PRDM16: variants seen among roughly 807,000 people sequenced by gnomAD.
The protein encoded by PRDM16 is histone-lysine N-methyltransferase PRDM16.
PRDM16 carries 23 observed loss-of-function variants against 110.6 expected under a neutral mutation model. The observed-to-expected ratio is 0.21, with a 90% CI of 0.15 to 0.29. PRDM16 has a LOEUF of 0.29. PRDM16 is among the 10% of genes least tolerant of loss of function. PRDM16 has a pLI of 1.00. For synonymous variants in PRDM16, 799 were observed against 781.8 expected (o/e 1.02, Z -0.37); for missense variants, 1,615 against 1,794.3 (o/e 0.90, Z 1.81).
In PRDM16 at chr1:3,350,073, C is replaced by T. The variant is rs1642452581; in HGVS notation, c.439-35079C>T. 1.3e-5 allele frequency among the ~76,000 whole-genome samples: 2 copies of T among 152,176 alleles called. No homozygotes were observed. The highest frequency in any genetic ancestry group is 2.9e-5 in the Non-Finnish European group (2 of 68,036). Reference sequence around the variant, plus strand: ...AAGACCTGGGGCCAGGTGCAGTGGCCCAAAATCCCAGCACCTTGGGAGGCC... The same window carrying T: ...AAGACCTGGGGCCAGGTGCAGTGGCTCAAAATCCCAGCACCTTGGGAGGCC... On this transcript the variant is annotated intron_variant, in intron 3 of 16. Coordinates refer to ENST00000270722, the MANE Select transcript of PRDM16 (RefSeq NM_022114.4). The surrounding 1 kb of genome is among the most constrained non-coding windows in gnomAD (Gnocchi z 7.1).
intron 3 of PRDM16, among the ~76,000 whole-genome samples, chr1:3,318,619 C>T (rs1431286101): frequency 6.6e-6 from 1 of 152,116 alleles, no homozygotes; most frequent in Non-Finnish European, 1.5e-5. Flanking sequence ...TATCAATTAT[C>T]TATCTGTCTA....
Position 3,418,621 on chromosome 1 carries a change from G to A in PRDM16, c.2862-46G>A, listed in dbSNP as rs370006735. 31 of 1,325,980 alleles carry A rather than the reference G, an allele frequency of 2.3e-5. No individual in the cohort carries two copies. The African/African-American group carries it at 3.6e-4, about 15-fold the overall frequency. 82.1% of individuals were successfully genotyped at this position (1,325,980 alleles called of 1,614,324 possible). On this transcript the variant is annotated intron_variant, in intron 11 of 16. Coordinates refer to ENST00000270722, the MANE Select transcript of PRDM16 (RefSeq NM_022114.4). ...CCATTTCTGGGAAATGGCCATGTAA[G>A]CCCACCCTAATCCTCCCTCACCCTC...
At chr1:3,146,932 G>A (rs1181341161) in intron 1 of PRDM16, among the ~76,000 whole-genome samples, 5 of 98,428 alleles carry the variant, frequency 5.1e-5, no homozygotes, top group Non-Finnish European at 7.8e-5. Context: ...GTGTGTGCAC[G>A]TGTGTGCTCA....
chr1:3,186,446 C>T lies in PRDM16; in HGVS notation c.359C>T (p.Ala120Val), dbSNP rs770130107. The T allele has an allele frequency of 1.9e-5, 30 of 1,548,038 alleles. No individual in the cohort carries two copies. Among genetic ancestry groups the T allele is most frequent in the South Asian group, 9.9e-5 (8 of 81,048 alleles). The change falls in exon 2 of 17, where the codon GCG (alanine) becomes GTG (valine). Residue 120 changes from alanine to valine, a missense_variant. Coordinates refer to ENST00000270722, the MANE Select transcript of PRDM16 (RefSeq NM_022114.4). ...CCCTGCGTGGTGGTGCCCCGGGCGG[C>T]GGCAAAGGAGACAGACTTCGGATGG... ...LGPCVVVPRA[A>V]AKETDFGWEQ...
At chr1:3,147,598 CA>C (rs1316645574) in intron 1 of PRDM16, among the ~76,000 whole-genome samples, 1 of 152,138 alleles carries the variant, frequency 6.6e-6, no homozygotes, top group Non-Finnish European at 1.5e-5. Context: ...AATGAGACCC[CA>C]AATCTTGACC....
At chr1:3,177,207 G>A (rs936286129) in intron 1 of PRDM16, among the ~76,000 whole-genome samples, 3 of 150,716 alleles carry the variant, frequency 2.0e-5, no homozygotes, top group East Asian at 2.0e-4. Flanking sequence ...CCATCCATTC[G>A]TAAATTCATC....
chr1:3,079,132 C>A (rs1641961844), intron 1 of PRDM16, among the ~76,000 whole-genome samples: 1 of 152,262 alleles, frequency 6.6e-6, no homozygotes, highest in South Asian at 2.1e-4. Context: ...CCACCGCCTC[C>A]CTGGTGGAGC....
chr1:3,234,640 G>A (rs1049580260), intron 2 of PRDM16, among the ~76,000 whole-genome samples: 4 of 152,204 alleles, frequency 2.6e-5, no homozygotes, highest in African/African-American at 4.8e-5. Flanking sequence ...CACCGTGACT[G>A]TGCCAGTCCC....
intron 3 of PRDM16, among the ~76,000 whole-genome samples, chr1:3,299,442 C>T (rs1309978532): frequency 1.9e-5 from 2 of 105,432 alleles, no homozygotes; most frequent in Admixed American, 1.1e-4. Context: ...CGATCCCAGT[C>T]GTGGTGACTC....
intron 1 of PRDM16, among the ~76,000 whole-genome samples, chr1:3,169,449 G>A (rs556124528): frequency 2.0e-4 from 31 of 152,156 alleles, no homozygotes; most frequent in African/African-American, 7.0e-4. Flanking sequence ...GCAGGCCGAG[G>A]GGCTTGTTGG....
chr1:3,218,162 A>T (rs910167238), intron 2 of PRDM16, among the ~76,000 whole-genome samples: 5 of 152,216 alleles, frequency 3.3e-5, no homozygotes, highest in Non-Finnish European at 1.5e-5. Flanking sequence ...CGTGACGGCC[A>T]GAGGAGGTGC....
chr1:3,217,417 G>A (rs1461582655), intron 2 of PRDM16, among the ~76,000 whole-genome samples: 1 of 152,226 alleles, frequency 6.6e-6, no homozygotes, highest in Non-Finnish European at 1.5e-5. Flanking sequence ...GGGATCTCAT[G>A]GGAACAGCCC....
At chr1:3,216,465 G>A (rs1448628239) in intron 2 of PRDM16, among the ~76,000 whole-genome samples, 2 of 152,236 alleles carry the variant, frequency 1.3e-5, no homozygotes, top group Non-Finnish European at 2.9e-5. Flanking sequence ...TATGGCCTGC[G>A]TGGGGAGACA....
At position 3,244,078 on chromosome 1, in the gene PRDM16, G is replaced by T; in HGVS notation, c.388-9G>T. 1 of 1,613,938 alleles carries T rather than the reference G, an allele frequency of 6.2e-7. No homozygotes were observed. Among genetic ancestry groups the T allele is most frequent in the Non-Finnish European group, 8.5e-7 (1 of 1,179,934 alleles). Reference sequence around the variant, plus strand: ...GAAACTAACAACCCCTCTCAAAATTGTTTTGCAGCAAATACTGACGGACGT... The same window carrying T: ...GAAACTAACAACCCCTCTCAAAATTTTTTTGCAGCAAATACTGACGGACGT... On this transcript the variant is annotated splice_polypyrimidine_tract_variant and intron_variant, in intron 2 of 16. Coordinates refer to ENST00000270722, the MANE Select transcript of PRDM16 (RefSeq NM_022114.4). This position sits in a 1 kb window ranked among gnomAD's most constrained non-coding sequence, Gnocchi z 4.1.
In PRDM16 at chr1:3,290,899, C is replaced by T. The variant is rs533829732; in HGVS notation, c.438+46762C>T. 2.0e-5 allele frequency among the ~76,000 whole-genome samples: 3 copies of T among 152,004 alleles called. No homozygotes were observed. The highest frequency in any genetic ancestry group is 7.2e-5 in the African/African-American group (3 of 41,466). On this transcript the variant is annotated intron_variant, in intron 3 of 16. Transcript: ENST00000270722. The surrounding 1 kb of genome is among the most constrained non-coding windows in gnomAD (Gnocchi z 4.8). ...GGTATCTTTCAAAGAGTGATGGTTA[C>T]GGAAATTAGTGGTGCAGAAATCCAT...
intron 1 of PRDM16, among the ~76,000 whole-genome samples, chr1:3,102,132 C>T (rs1642548249): frequency 6.6e-6 from 1 of 152,244 alleles, no homozygotes; most frequent in Non-Finnish European, 1.5e-5. Context: ...TCAATGCTCC[C>T]AGGAGCCCCA....
chr1:3,391,963 C>T (rs184956297), intron 4 of PRDM16, among the ~76,000 whole-genome samples: 189 of 152,366 alleles, frequency 1.2e-3, no homozygotes, highest in African/African-American at 4.3e-3. Flanking sequence ...GGGCCGGCCT[C>T]GGGGCTCGGG....
intron 1 of PRDM16, among the ~76,000 whole-genome samples, chr1:3,071,983 C>T (rs1204502826): frequency 6.6e-6 from 1 of 152,188 alleles, no homozygotes; most frequent in African/African-American, 2.4e-5. Flanking sequence ...CCGGGGGTGA[C>T]CCGGGCTTCC....
At chr1:3,128,846 C>T (rs1643266408) in intron 1 of PRDM16, among the ~76,000 whole-genome samples, 1 of 152,252 alleles carries the variant, frequency 6.6e-6, no homozygotes, top group Non-Finnish European at 1.5e-5. Flanking sequence ...CTGCTGGGAG[C>T]TGGAACTGTT....
Sources: gnomAD v4.1 joint callset for allele counts (sites outside exome capture counted in the v4.1 genomes callset) on GRCh38, gnomAD v4.1.1 for gene constraint, Gnocchi (gnomAD v3.1) non-coding constraint, MANE v1.5 for transcripts, NCBI Gene and HGNC (gene_info 2026-07-23, HGNC 2026-07-21) for gene names.